PDE1C: variants seen among roughly 807,000 people sequenced by gnomAD.
PDE1C encodes the protein dual specificity calcium/calmodulin-dependent 3',5'-cyclic nucleotide phosphodiesterase 1C.
In PDE1C, 62 loss-of-function variants were observed where a neutral mutation model predicts 93.1. The observed-to-expected ratio is 0.67, with a 90% confidence interval of 0.54 to 0.82. The LOEUF (loss-of-function observed/expected upper bound fraction) is 0.82. Ranked by LOEUF, PDE1C falls within the 40% of genes least tolerant of loss-of-function variation. The pLI, the probability that PDE1C is intolerant of heterozygous loss-of-function variation, is 0.00. For synonymous variants in PDE1C, 325 were observed against 310.1 expected, an observed-to-expected ratio of 1.05 and a Z score of -0.50; for missense variants, 742 against 884.6, an observed-to-expected ratio of 0.84 and a Z score of 2.04.
intron 2 of PDE1C, among the ~76,000 whole-genome samples, chr7:31,909,552 T>G (rs1412384996): frequency 6.6e-6 from 1 of 152,162 alleles, no homozygotes; most frequent in Non-Finnish European, 1.5e-5. Context: ...TGCCAGAGAT[T>G]ATCAATTCTG....
At chr7:32,152,622 T>C (rs1280806909) in intron 3 of PDE1C, among the ~76,000 whole-genome samples, 1 of 152,236 alleles carries the variant, frequency 6.6e-6, no homozygotes, top group Non-Finnish European at 1.5e-5. Flanking sequence ...CCAGTGTTTC[T>C]ATTCTAGTTA....
At chr7:31,702,398 G>A in the PDE1C span, among the ~76,000 whole-genome samples, 2 of 152,108 alleles carry the variant, frequency 1.3e-5, no homozygotes, top group Non-Finnish European at 2.9e-5. Flanking sequence ...CCTCATCTGT[G>A]TTTCTCATAG....
intron 2 of PDE1C, among the ~76,000 whole-genome samples, chr7:32,024,174 C>T (rs996340680): frequency 1.3e-5 from 2 of 151,622 alleles, no homozygotes; most frequent in Non-Finnish European, 2.9e-5. Context: ...ATAGTAAGGT[C>T]CAAAATAAAC....
At chr7:31,839,494 T>C (rs941876125) in intron 9 of PDE1C, among the ~76,000 whole-genome samples, 2 of 152,108 alleles carry the variant, frequency 1.3e-5, no homozygotes, top group Admixed American at 6.6e-5. Flanking sequence ...TTCATCTATA[T>C]AGTGGTTCAT....
At chr7:32,311,539 C>T (rs1210684489) in intron 1 of PDE1C, among the ~76,000 whole-genome samples, 4 of 152,178 alleles carry the variant, frequency 2.6e-5, no homozygotes, top group Admixed American at 2.6e-4. Flanking sequence ...AGCAGCACAT[C>T]AAAAAGCTTA....
At chr7:31,684,526 A>G in the PDE1C span, among the ~76,000 whole-genome samples, 1 of 152,212 alleles carries the variant, frequency 6.6e-6, no homozygotes, top group South Asian at 2.1e-4. Context: ...TTTCTAATAA[A>G]GAACTAGTAT....
At chr7:31,852,697 C>A (rs1562922457) in intron 7 of PDE1C, among the ~76,000 whole-genome samples, 1 of 152,120 alleles carries the variant, frequency 6.6e-6, no homozygotes. Context: ...ATCTGACAAG[C>A]CACACACCAC....
intron 1 of PDE1C, among the ~76,000 whole-genome samples, chr7:32,296,149 T>C (rs967418227): frequency 2.0e-5 from 3 of 152,234 alleles, no homozygotes; most frequent in African/African-American, 7.2e-5. Flanking sequence ...ATATTTAGCA[T>C]TGGATGATAA....
At chr7:31,620,123 GC>G in the PDE1C span, among the ~76,000 whole-genome samples, 1 of 152,196 alleles carries the variant, frequency 6.6e-6, no homozygotes, top group Admixed American at 6.5e-5. Context: ...ACTGGGTGGA[GC>G]CCACCACAGC....
chr7:31,647,488 C>T, the PDE1C span, among the ~76,000 whole-genome samples: 2 of 141,440 alleles, frequency 1.4e-5, no homozygotes, highest in East Asian at 2.1e-4. Flanking sequence ...ATGGCAAAAC[C>T]CCGTCTCCAT....
At chr7:31,617,862 G>GAGTT in the PDE1C span, among the ~76,000 whole-genome samples, 1 of 152,168 alleles carries the variant, frequency 6.6e-6, no homozygotes, top group African/African-American at 2.4e-5. Context: ...ATTAAGAAGA[G>GAGTT]AGTTACTTTT....
intron 2 of PDE1C, among the ~76,000 whole-genome samples, chr7:32,176,476 T>C (rs1368525669): frequency 1.3e-5 from 2 of 152,214 alleles, no homozygotes; most frequent in African/African-American, 4.8e-5. Context: ...CATTTGTATA[T>C]AGTTTTTACT....
chr7:31,808,242 ATGATTTAGAGAGTC>A (rs1787100350), intron 16 of PDE1C: 1 of 449,552 alleles, frequency 2.2e-6, no homozygotes, highest in Non-Finnish European at 4.3e-6. Flanking sequence ...CCAGGGAGGT[ATGATTTAGAGAGTC>A]TGGGATTCTC....
the PDE1C span, chr7:31,642,205 C>T: frequency 6.4e-7 from 1 of 1,561,798 alleles, no homozygotes; most frequent in Non-Finnish European, 8.7e-7. Flanking sequence ...AAATAGCTGC[C>T]AGTCTGACAG....
the PDE1C span, among the ~76,000 whole-genome samples, chr7:31,718,166 G>A: frequency 6.6e-6 from 1 of 152,108 alleles, no homozygotes; most frequent in Non-Finnish European, 1.5e-5. Flanking sequence ...GCACGGTCAT[G>A]GGCATGGTGG....
At chr7:32,084,959 A>G (rs1796972183) in intron 3 of PDE1C, among the ~76,000 whole-genome samples, 4 of 142,994 alleles carry the variant, frequency 2.8e-5, no homozygotes, top group Admixed American at 7.0e-5. Context: ...AAGCAAGAGC[A>G]AACACATTCA....
At chr7:31,782,002 G>T (rs531085731) in intron 16 of PDE1C, among the ~76,000 whole-genome samples, 8 of 152,090 alleles carry the variant, frequency 5.3e-5, no homozygotes, top group Non-Finnish European at 1.0e-4. Flanking sequence ...CCCAGTAATT[G>T]TATATCTGGA....
At chr7:32,161,535 T>A (rs1333990852) in intron 3 of PDE1C, among the ~76,000 whole-genome samples, 1 of 151,846 alleles carries the variant, frequency 6.6e-6, no homozygotes, top group Non-Finnish European at 1.5e-5. Context: ...CACCCCATAC[T>A]GACCCCCAGG....
chr7:32,340,897 A>T (rs926585828), intron 1 of PDE1C, among the ~76,000 whole-genome samples: 1 of 152,146 alleles, frequency 6.6e-6, no homozygotes, highest in African/African-American at 2.4e-5. Context: ...GAACAGTGAG[A>T]TTATTCTGCA....
Sources: gnomAD v4.1 joint callset for allele counts (sites outside exome capture counted in the v4.1 genomes callset) on GRCh38, gnomAD v4.1.1 for gene constraint, MANE v1.5 for transcripts, NCBI Gene and HGNC (gene_info 2026-07-23, HGNC 2026-07-21) for gene names.